PLEKHG4B: variants seen among roughly 807,000 people sequenced by gnomAD.
PLEKHG4B encodes the protein pleckstrin homology domain-containing family G member 4B.
PLEKHG4B carries 111 observed loss-of-function variants against 121.3 expected under a neutral mutation model. The ratio of observed to expected loss-of-function variants is 0.92; its 90% CI spans 0.78 to 1.07. The LOEUF is 1.07. Ranked by LOEUF, PLEKHG4B falls within the 50% of genes least tolerant of loss-of-function variation. The pLI, the probability that PLEKHG4B is intolerant of heterozygous loss-of-function variation, is 0.00. For synonymous variants in PLEKHG4B, 738 were observed against 725.0 expected (o/e 1.02, Z -0.29); for missense variants, 1,831 against 1,757.8 (o/e 1.04, Z -0.74).
intron 1 of PLEKHG4B, among the ~76,000 whole-genome samples, chr5:100,162 C>G (rs1379681058): frequency 6.6e-6 from 1 of 152,124 alleles, no homozygotes; most frequent in Non-Finnish European, 1.5e-5. Context: ...TTTTTTGACT[C>G]TGCTCTTAAA....
At chr5:92,527 GGC>G (rs113049112) in intron 1 of PLEKHG4B, among the ~76,000 whole-genome samples, 1 of 126,388 alleles carries the variant, frequency 7.9e-6, no homozygotes, top group Non-Finnish European at 1.7e-5. Flanking sequence ...AAGGCGGGCG[GGC>G]GCGGGGACTG....
chr5:158,420 TCTC>T (rs1331194553), intron 11 of PLEKHG4B, among the ~76,000 whole-genome samples: 4 of 122,752 alleles, frequency 3.3e-5, no homozygotes, highest in African/African-American at 6.4e-5. Flanking sequence ...ATCCTGGGGG[TCTC>T]CTCCTTCTCC....
intron 6 of PLEKHG4B, among the ~76,000 whole-genome samples, chr5:148,848 A>T (rs1735513288): frequency 6.6e-6 from 1 of 152,236 alleles, no homozygotes; most frequent in Admixed American, 6.5e-5. Flanking sequence ...GTAATCAAAA[A>T]AGTTTGGCAC....
intron 1 of PLEKHG4B, among the ~76,000 whole-genome samples, chr5:99,865 T>C (rs1733751350): frequency 6.6e-6 from 1 of 152,158 alleles, no homozygotes; most frequent in Admixed American, 6.5e-5. Flanking sequence ...GTGTTTTTCA[T>C]AAATACCTTT....
At chr5:174,363 G>C (rs1271298970) in intron 18 of PLEKHG4B, among the ~76,000 whole-genome samples, 1 of 146,092 alleles carries the variant, frequency 6.8e-6, no homozygotes, top group Admixed American at 6.8e-5. Context: ...ACTGAGTCCA[G>C]GGGTCGGGGG....
chr5:116,190 G>A (rs1056666451), intron 2 of PLEKHG4B, among the ~76,000 whole-genome samples: 1 of 152,174 alleles, frequency 6.6e-6, no homozygotes, highest in Non-Finnish European at 1.5e-5. Flanking sequence ...AGGGAATAGG[G>A]AGGCCCAAGG....
At chr5:142,324 CCA>C (rs1039696539) in intron 3 of PLEKHG4B, among the ~76,000 whole-genome samples, 1 of 152,072 alleles carries the variant, frequency 6.6e-6, no homozygotes, top group African/African-American at 2.4e-5. Context: ...GCCATAACAA[CCA>C]CACACAGTCA....
At position 140,232 on chromosome 5, in the gene PLEKHG4B, C is replaced by T; in HGVS notation, c.993C>T (p.Gly331=). Residue 331 remains glycine, a synonymous_variant, in exon 3 of 20, where the codon GGC becomes GGT. Transcript: ENST00000637938. ...CCCTCACCTTCCACACAGACCTGGG[C>T]ATCCCGAGCAGCAGGAGGCGGCCGC... is the stretch of plus-strand genomic sequence containing the variant. ...PKALTFHTDL[G]IPSSRRRPPG... 1 of 1,412,522 alleles carries T rather than the reference C, an allele frequency of 7.1e-7. No homozygotes were observed. The highest frequency in any genetic ancestry group is 9.4e-7 in the Non-Finnish European group (1 of 1,064,728). 87.5% of individuals were successfully genotyped at this position (1,412,522 alleles called of 1,614,324 possible).
chr5:172,873 ATCCACCTGTGTGT>A lies in PLEKHG4B; in HGVS notation c.4051-20_4051-8del. On this transcript the variant is annotated splice_polypyrimidine_tract_variant and intron_variant, in intron 16 of 19. Coordinates refer to ENST00000637938, the MANE Select transcript of PLEKHG4B (RefSeq NM_052909.5). Reference sequence around the variant, plus strand: ...CAGACGCCGGATTTTCTTGGATGAAATCCACCTGTGTGTTCCTCTGCAGGTGAATTTGAAGGAA... The same window carrying A: ...CAGACGCCGGATTTTCTTGGATGAAATCCTCTGCAGGTGAATTTGAAGGAA... The A allele has an allele frequency of 6.2e-7, 1 of 1,613,248 alleles. No individual in the cohort carries two copies. Among genetic ancestry groups the A allele is most frequent in the South Asian group, 1.1e-5 (1 of 91,038 alleles).
chr5:127,177 C>CT (rs1437131700), intron 2 of PLEKHG4B, among the ~76,000 whole-genome samples: 1 of 152,030 alleles, frequency 6.6e-6, no homozygotes, highest in Non-Finnish European at 1.5e-5. Flanking sequence ...GCTTGCTTGT[C>CT]TATGTCTGCA....
In PLEKHG4B at chr5:151,557, TAAAG is replaced by T. The variant is rs758130063; in HGVS notation, c.1953_1956del (p.Lys651AsnfsTer11). Reference sequence around the variant, plus strand: ...TTCATAGTATCTTGCTGTTGGTAGATAAAGAATCTGCATTTAGGCCTGACAAGGA... The same window carrying T: ...TTCATAGTATCTTGCTGTTGGTAGATAATCTGCATTTAGGCCTGACAAGGA... On this transcript the variant is annotated frameshift_variant, in exon 7 of 20. Coordinates refer to ENST00000637938, the MANE Select transcript of PLEKHG4B (RefSeq NM_052909.5). LOFTEE classifies it high-confidence loss of function. The T allele has an allele frequency of 1.2e-5, 19 of 1,592,668 alleles. No homozygotes were observed.
Position 157,865 on chromosome 5 carries a change from A to T in PLEKHG4B, c.2487+954A>T, listed in dbSNP as rs78262438. The stretch of plus-strand genomic sequence containing the variant: ...GCAGCAGTGGGGTGGAGGCATCCCC[A>T]GCCCTCCTGTCTGCTGGCAAAGCTC... On this transcript the variant is annotated intron_variant, in intron 11 of 19. Coordinates refer to ENST00000637938, the MANE Select transcript of PLEKHG4B (RefSeq NM_052909.5). This position sits in a 1 kb window ranked among gnomAD's most constrained non-coding sequence, Gnocchi z 4.6. 1.2e-3 allele frequency among the ~76,000 whole-genome samples: 188 copies of T among 152,288 alleles called. 1 individual carries two copies. The East Asian group carries it at 0.028, about 22-fold the overall frequency.
chr5:136,416 G>T (rs1487705645), intron 2 of PLEKHG4B, among the ~76,000 whole-genome samples: 14 of 152,126 alleles, frequency 9.2e-5, no homozygotes, highest in South Asian at 2.1e-4. Flanking sequence ...TGCACATTGT[G>T]TATCTCATAA....
intron 1 of PLEKHG4B, among the ~76,000 whole-genome samples, chr5:99,027 G>A (rs1411692395): frequency 1.4e-5 from 2 of 145,608 alleles, no homozygotes; most frequent in Non-Finnish European, 1.5e-5. Flanking sequence ...GTGGTGCTGT[G>A]CACCTGTAAT....
In PLEKHG4B at chr5:163,102, C is replaced by A; in HGVS notation, c.3030C>A (p.Ser1010=). 1 of 1,563,828 alleles carries A rather than the reference C, an allele frequency of 6.4e-7. No homozygotes were observed. Among genetic ancestry groups the A allele is most frequent in the East Asian group, 2.3e-5 (1 of 42,686 alleles). ...CCTGGGAACCTGCGCAACCACTGTC[C>A]GGCCTCCCTGGACGAGCGCTTCTGT... ...GGAWEPAQPL[S]GLPGRALLCG... The change falls in exon 13 of 20, where the codon TCC becomes TCA. Residue 1010 remains serine, a synonymous_variant. Coordinates refer to ENST00000637938, the MANE Select transcript of PLEKHG4B (RefSeq NM_052909.5).
In PLEKHG4B at chr5:161,839, A is replaced by C; in HGVS notation, c.2544A>C (p.Glu848Asp). 6.2e-7 allele frequency: 1 copy of C among 1,613,910 alleles called. No individual in the cohort carries two copies. The highest frequency in any genetic ancestry group is 8.5e-7 in the Non-Finnish European group (1 of 1,180,006). ...AGGAGAACCCGCAACGTACAGAGGA[A>C]ATGGTCCAGGATTTCAGAAGGGGCC... ...LAKENPQRTE[E>D]MVQDFRRGLS... Residue 848 changes from glutamate to aspartate, a missense_variant, in exon 12 of 20, where the codon GAA becomes GAC. Coordinates refer to ENST00000637938, the MANE Select transcript of PLEKHG4B (RefSeq NM_052909.5).
rs1468105039 is a variant in PLEKHG4B, at chr5:109,727, TA to T, written c.46-3520del. 4.6e-5 allele frequency among the ~76,000 whole-genome samples: 7 copies of T among 152,240 alleles called. No homozygotes were observed. The East Asian group carries it at 9.6e-4, about 21-fold the overall frequency. ...AATCCTTCATTGAAGAGTGAAGCTTTAAAATGGGTTTTCGGACACCGTCTTC... is the reference window on the plus strand; with the variant it reads ...AATCCTTCATTGAAGAGTGAAGCTTTAAATGGGTTTTCGGACACCGTCTTC... On this transcript the variant is annotated intron_variant, in intron 1 of 19. Transcript: ENST00000637938.
Position 171,275 on chromosome 5 carries a change from A to T in PLEKHG4B, c.3881A>T (p.Gln1294Leu). The T allele has an allele frequency of 1.2e-6, 2 of 1,611,650 alleles. No homozygotes were observed. The highest frequency in any genetic ancestry group is 1.7e-6 in the Non-Finnish European group (2 of 1,179,230). The change falls in exon 16 of 20, where the codon CAG (glutamine) becomes CTG (leucine). Residue 1294 changes from glutamine to leucine, a missense_variant. Gln to Leu is a moderately radical substitution (Grantham distance 113). Transcript: ENST00000637938. ...DLASYLLRPV[Q>L]RVAKYALLLQ... Reference sequence around the variant, plus strand: ...GCCTCCTACCTGCTGCGGCCCGTGCAGCGTGTGGCCAAGTACGCGCTGCTA... The same window carrying T: ...GCCTCCTACCTGCTGCGGCCCGTGCTGCGTGTGGCCAAGTACGCGCTGCTA...
chr5:140,303 C>G lies in PLEKHG4B; in HGVS notation c.1064C>G (p.Ser355Trp), dbSNP rs780024096. Residue 355 changes from serine (S) to tryptophan (W), a missense_variant, in exon 3 of 20, where the codon TCG becomes TGG. Coordinates refer to ENST00000637938, the MANE Select transcript of PLEKHG4B (RefSeq NM_052909.5). ...CVQPRRWFRESYMEALRNPMP... is the reference protein window; with the variant it reads ...CVQPRRWFREWYMEALRNPMP... ...CAGCCTAGACGCTGGTTCAGGGAGT[C>G]GTACATGGAAGCCTTGCGGAACCCC... 36 of 1,491,730 alleles carry G rather than the reference C, an allele frequency of 2.4e-5. 1 individual carries two copies. The South Asian group carries it at 4.7e-4, about 19-fold the overall frequency. 92.4% of individuals were successfully genotyped at this position (1,491,730 alleles called of 1,614,324 possible). A position where few individuals can be genotyped will look rare whatever the true frequency, so the allele number is the denominator to read the frequency against.
Sources: gnomAD v4.1 joint callset for allele counts (sites outside exome capture counted in the v4.1 genomes callset) on GRCh38, gnomAD v4.1.1 for gene constraint, Gnocchi (gnomAD v3.1) non-coding constraint, MANE v1.5 for transcripts, NCBI Gene and HGNC (gene_info 2026-07-23, HGNC 2026-07-21) for gene names.